NRG3: variants seen among roughly 807,000 people sequenced by gnomAD.
The protein encoded by NRG3 is pro-neuregulin-3, membrane-bound isoform.
A neutral mutation model predicts 66.9 loss-of-function variants in NRG3; 31 were observed. The observed-to-expected ratio is 0.46, with a 90% CI of 0.35 to 0.63. The LOEUF is 0.63. Ranked by LOEUF, NRG3 falls within the 20% of genes least tolerant of loss-of-function variation. The pLI is 0.00. For missense variants in NRG3, 910 were observed against 878.9 expected (o/e 1.04, Z -0.45); for synonymous variants, 393 against 359.4 (o/e 1.09, Z -1.06).
At chr10:82,958,533 T>G (rs537834501) in intron 5 of NRG3, among the ~76,000 whole-genome samples, 116 of 152,358 alleles carry the variant, frequency 7.6e-4, no homozygotes, top group African/African-American at 2.6e-3. Context: ...GCTAAACATA[T>G]TTGAATTGTA....
intron 1 of NRG3, among the ~76,000 whole-genome samples, chr10:82,012,000 A>G (rs7089681): frequency 0.08 from 12,189 of 152,138 alleles, 1,612 homozygotes; most frequent in African/African-American, 0.27. Flanking sequence ...GCAATGCCCC[A>G]GTGGGGACTC....
chr10:81,994,718 A>G (rs2133605076), intron 1 of NRG3, among the ~76,000 whole-genome samples: 1 of 152,012 alleles, frequency 6.6e-6, no homozygotes. Flanking sequence ...TTTCATTTTC[A>G]TTATTTTTTG....
At chr10:82,110,263 G>T (rs1331575142) in intron 1 of NRG3, among the ~76,000 whole-genome samples, 3 of 152,130 alleles carry the variant, frequency 2.0e-5, no homozygotes, top group Non-Finnish European at 4.4e-5. Context: ...CTTTGGATGA[G>T]ACTGGGCCTG....
At chr10:82,048,270 C>G (rs1218894676) in intron 1 of NRG3, among the ~76,000 whole-genome samples, 1 of 152,000 alleles carries the variant, frequency 6.6e-6, no homozygotes, top group South Asian at 2.1e-4. Context: ...CTACAGAACT[C>G]TCCACCCCAA....
In NRG3 at chr10:82,844,838, C is replaced by T. The variant is rs1467369581; in HGVS notation, c.1028-20573C>T. Reference sequence around the variant, plus strand: ...GTCTTTGCTTCTATTTCTCAAATTTCAAAAAAATAGGTTGGAAATTTAAAG... The same window carrying T: ...GTCTTTGCTTCTATTTCTCAAATTTTAAAAAAATAGGTTGGAAATTTAAAG... On this transcript the variant is annotated intron_variant, in intron 3 of 8. Transcript: ENST00000372141. 2.0e-5 allele frequency among the ~76,000 whole-genome samples: 3 copies of T among 152,002 alleles called. No individual in the cohort carries two copies. The East Asian group carries it at 5.8e-4, about 29-fold the overall frequency.
At chr10:82,481,030 G>A (rs1842224266) in intron 2 of NRG3, among the ~76,000 whole-genome samples, 1 of 152,100 alleles carries the variant, frequency 6.6e-6, no homozygotes, top group Non-Finnish European at 1.5e-5. Flanking sequence ...TTTTCCCACT[G>A]GGATTTACTG....
At chr10:82,360,899 C>A (rs2084094114) in intron 2 of NRG3, among the ~76,000 whole-genome samples, 1 of 152,062 alleles carries the variant, frequency 6.6e-6, no homozygotes, top group Admixed American at 6.5e-5. Flanking sequence ...TGTATCTTCT[C>A]ATCATGTTTC....
chr10:82,370,361 A>C (rs1015658600), intron 2 of NRG3, among the ~76,000 whole-genome samples: 1 of 137,596 alleles, frequency 7.3e-6, no homozygotes, highest in Non-Finnish European at 1.5e-5. Context: ...CCCCCTGCTG[A>C]ACTCCCCTCA....
intron 4 of NRG3, among the ~76,000 whole-genome samples, chr10:82,901,737 A>G (rs1313420332): frequency 6.6e-6 from 1 of 152,246 alleles, no homozygotes; most frequent in Non-Finnish European, 1.5e-5. Context: ...GGCTAAAATT[A>G]TATGTGAAAG....
At chr10:82,055,848 C>A (rs1034887381) in intron 1 of NRG3, among the ~76,000 whole-genome samples, 1 of 152,160 alleles carries the variant, frequency 6.6e-6, no homozygotes, top group Non-Finnish European at 1.5e-5. Flanking sequence ...GCAGGTTTAT[C>A]TGTAATGGTT....
At chr10:82,544,678 T>C (rs1166309453) in intron 2 of NRG3, among the ~76,000 whole-genome samples, 3 of 152,162 alleles carry the variant, frequency 2.0e-5, no homozygotes, top group Non-Finnish European at 4.4e-5. Context: ...CCTTCCTAGA[T>C]GAGTTGACAG....
At chr10:82,253,827 A>C (rs1449359053) in intron 1 of NRG3, among the ~76,000 whole-genome samples, 1 of 152,138 alleles carries the variant, frequency 6.6e-6, no homozygotes, top group Admixed American at 6.5e-5. Flanking sequence ...CCTAAACCTC[A>C]CCATTCTTGC....
At chr10:82,116,122 C>CT (rs1294001644) in intron 1 of NRG3, among the ~76,000 whole-genome samples, 3 of 152,210 alleles carry the variant, frequency 2.0e-5, no homozygotes, top group Admixed American at 2.0e-4. Context: ...AAAGTGGATT[C>CT]TTTACATCCA....
chr10:82,707,385 G>T (rs116041714), intron 2 of NRG3, among the ~76,000 whole-genome samples: 2,056 of 151,770 alleles, frequency 0.014, 50 homozygotes, highest in African/African-American at 0.047. Flanking sequence ...TTTTGAGACA[G>T]GGTCTTGCTC....
intron 1 of NRG3, among the ~76,000 whole-genome samples, chr10:82,093,499 T>C (rs1039901444): frequency 3.3e-5 from 5 of 152,226 alleles, no homozygotes; most frequent in African/African-American, 1.2e-4. Context: ...ATGTAATTAC[T>C]GGGGCATTAT....
chr10:82,004,258 G>A (rs1420535567), intron 1 of NRG3, among the ~76,000 whole-genome samples: 1 of 152,028 alleles, frequency 6.6e-6, no homozygotes, highest in Non-Finnish European at 1.5e-5. Flanking sequence ...GGTGTATATT[G>A]GATTGTAATA....
chr10:82,517,651 G>A (rs1253636670), intron 2 of NRG3, among the ~76,000 whole-genome samples: 4 of 125,552 alleles, frequency 3.2e-5, no homozygotes, highest in African/African-American at 1.5e-4. Context: ...GTGTTTGTGT[G>A]TGTGTGTGTG....
chr10:82,684,209 T>G (rs984956977), intron 2 of NRG3, among the ~76,000 whole-genome samples: 5 of 152,228 alleles, frequency 3.3e-5, no homozygotes, highest in African/African-American at 1.2e-4. Context: ...TCAGGGATAA[T>G]GGGTAATGTA....
chr10:82,713,567 T>C (rs964867804), intron 2 of NRG3, among the ~76,000 whole-genome samples: 1 of 152,160 alleles, frequency 6.6e-6, no homozygotes, highest in Non-Finnish European at 1.5e-5. Context: ...GGACACTGCG[T>C]AAAGAAAGGA....
Sources: allele counts gnomAD v4.1 joint callset (sites outside exome capture counted in the v4.1 genomes callset), GRCh38; gene constraint gnomAD v4.1.1; transcripts MANE v1.5; gene names NCBI Gene and HGNC (gene_info 2026-07-23, HGNC 2026-07-21).